MAP1B: variants seen among roughly 807,000 people sequenced by gnomAD.
MAP1B encodes the protein microtubule-associated protein 1B.
In MAP1B, 12 loss-of-function variants were observed where a neutral mutation model predicts 176.1. The observed-to-expected ratio is 0.07, with a 90% CI of 0.04 to 0.11. MAP1B has a LOEUF of 0.11. Among genes scored for constraint, MAP1B ranks in the 10% least tolerant of loss-of-function variants. MAP1B has a pLI of 1.00. For synonymous variants in MAP1B, 1,044 were observed against 1,135.0 expected, an observed-to-expected ratio of 0.92 and a Z score of 1.61; for missense variants, 2,523 against 2,990.5, an observed-to-expected ratio of 0.84 and a Z score of 3.65.
intron 2 of MAP1B, among the ~76,000 whole-genome samples, chr5:72,121,587 C>T (rs1392068154): frequency 6.6e-6 from 1 of 152,186 alleles, no homozygotes; most frequent in Admixed American, 6.5e-5. Context: ...AGAATCAGCC[C>T]TTTGAATTTC....
chr5:72,160,617 C>A (rs924142281), intron 2 of MAP1B, among the ~76,000 whole-genome samples: 3 of 152,178 alleles, frequency 2.0e-5, no homozygotes, highest in Non-Finnish European at 2.9e-5. Context: ...TTTAAGCCTA[C>A]TGAAGAATGA....
chr5:72,139,892 G>A (rs999364735), intron 2 of MAP1B, among the ~76,000 whole-genome samples: 1 of 152,062 alleles, frequency 6.6e-6, no homozygotes, highest in Admixed American at 6.5e-5. Flanking sequence ...GAAAAGCCCA[G>A]TTCAGAGGAC....
chr5:72,196,528 C>G lies in MAP1B; in HGVS notation c.3173C>G (p.Ala1058Gly). 6.2e-7 allele frequency: 1 copy of G among 1,613,704 alleles called. No homozygotes were observed. Among genetic ancestry groups the G allele is most frequent in the Non-Finnish European group, 8.5e-7 (1 of 1,180,022 alleles). Residue 1058 changes from alanine to glycine, a missense_variant, in exon 5 of 7, where the codon GCC becomes GGC. Physicochemically the swap from Ala to Gly is moderately conservative, Grantham distance 60. Coordinates refer to ENST00000296755, the MANE Select transcript of MAP1B (RefSeq NM_005909.5). The surrounding 1 kb of genome is among the most constrained non-coding windows in gnomAD (Gnocchi z 5.3). The stretch of plus-strand genomic sequence containing the variant: ...GACAAGGCTGCAGAGGCTGGTGGTG[C>G]CGAGGAGCAGTATGGATTCCTCACC... ...VVDKAAEAGG[A>G]EEQYGFLTTP...
intron 2 of MAP1B, among the ~76,000 whole-genome samples, chr5:72,143,708 A>G (rs1170573329): frequency 6.6e-6 from 1 of 152,164 alleles, no homozygotes; most frequent in Non-Finnish European, 1.5e-5. Context: ...TCACATTCCA[A>G]GAGGCCGAAG....
rs564281014 is a variant in MAP1B, at chr5:72,124,070, G to A, written c.286+8271G>A. 3.3e-5 allele frequency among the ~76,000 whole-genome samples: 5 copies of A among 152,228 alleles called. No individual in the cohort carries two copies. In the South Asian group the frequency reaches 8.3e-4, roughly 25 times the overall value. On this transcript the variant is annotated intron_variant, in intron 2 of 6. Transcript: ENST00000296755. ...TTGCATTTTGATTGTTCAACCATGG[G>A]TTTAGTCACAATGACAAAGGTTACC...
At chr5:72,159,729 G>A (rs1458209039) in intron 2 of MAP1B, among the ~76,000 whole-genome samples, 1 of 152,218 alleles carries the variant, frequency 6.6e-6, no homozygotes, top group African/African-American at 2.4e-5. Context: ...AGAAACATTT[G>A]TGAAAATTCA....
At chr5:72,149,277 T>C (rs1746099996) in intron 2 of MAP1B, among the ~76,000 whole-genome samples, 1 of 152,250 alleles carries the variant, frequency 6.6e-6, no homozygotes, top group Non-Finnish European at 1.5e-5. Context: ...TCTGAGGTCT[T>C]AAGCCTCATT....
intron 2 of MAP1B, among the ~76,000 whole-genome samples, chr5:72,153,216 C>G (rs1746174791): frequency 6.6e-6 from 1 of 152,050 alleles, no homozygotes; most frequent in African/African-American, 2.4e-5. Context: ...AGCGGGTTAG[C>G]TGTGCTGGGT....
chr5:72,148,159 T>A (rs760666199), intron 2 of MAP1B, among the ~76,000 whole-genome samples: 10 of 152,366 alleles, frequency 6.6e-5, no homozygotes, highest in Middle Eastern at 3.4e-3. Context: ...AAAATACTTT[T>A]AAAAACCCAT....
chr5:72,149,311 G>T (rs914122044), intron 2 of MAP1B, among the ~76,000 whole-genome samples: 2 of 152,216 alleles, frequency 1.3e-5, no homozygotes, highest in Non-Finnish European at 2.9e-5. Flanking sequence ...AACTTGGAAA[G>T]AAATTTCCTG....
chr5:72,161,938 C>T (rs1324455849), intron 2 of MAP1B, among the ~76,000 whole-genome samples: 1 of 83,876 alleles, frequency 1.2e-5, no homozygotes, highest in African/African-American at 4.9e-5. Flanking sequence ...GCCTGGGTGA[C>T]AAAGCGAAAT....
intron 2 of MAP1B, among the ~76,000 whole-genome samples, chr5:72,135,947 G>C (rs1157447800): frequency 6.6e-6 from 1 of 152,168 alleles, no homozygotes; most frequent in Non-Finnish European, 1.5e-5. Flanking sequence ...TAGCCCAACA[G>C]GATTTGACCA....
chr5:72,135,026 G>T (rs139784314), intron 2 of MAP1B, among the ~76,000 whole-genome samples: 47 of 151,266 alleles, frequency 3.1e-4, no homozygotes, highest in South Asian at 2.6e-3. Flanking sequence ...AGCTGAGTTG[G>T]TGGAAGAGTA....
intron 1 of MAP1B, among the ~76,000 whole-genome samples, chr5:72,111,686 G>A (rs571917714): frequency 3.3e-5 from 5 of 152,188 alleles, no homozygotes; most frequent in East Asian, 3.9e-4. Flanking sequence ...TATTATCTAC[G>A]ACAGCTCTGT....
In MAP1B at chr5:72,208,356, G is replaced by A. The variant is rs2111909158; in HGVS notation, c.*3117G>A. Reference sequence around the variant, plus strand: ...TTTGAGTGGAAGGAATTTACACTCTGTTTAAATGATGGGATTCTATCGAGA... The same window carrying A: ...TTTGAGTGGAAGGAATTTACACTCTATTTAAATGATGGGATTCTATCGAGA... On this transcript the variant is annotated 3_prime_UTR_variant, in exon 7 of 7. Coordinates refer to ENST00000296755, the MANE Select transcript of MAP1B (RefSeq NM_005909.5). 6.6e-6 allele frequency: 1 copy of A among 152,280 alleles called. No individual in the cohort carries two copies. Among genetic ancestry groups the A allele is most frequent in the East Asian group, 1.9e-4 (1 of 5,178 alleles). The allele number at this position is 152,280 out of a possible 1,614,324, so 9.4% of individuals were successfully genotyped here.
In MAP1B at chr5:72,196,113, G is replaced by A; in HGVS notation, c.2758G>A (p.Val920Ile). The change falls in exon 5 of 7, where the codon GTA becomes ATA. Residue 920 changes from valine to isoleucine, a missense_variant. Val to Ile is a conservative substitution (Grantham distance 29, BLOSUM62 3). Coordinates refer to ENST00000296755, the MANE Select transcript of MAP1B (RefSeq NM_005909.5). The surrounding 1 kb of genome is among the most constrained non-coding windows in gnomAD (Gnocchi z 5.3). The stretch of plus-strand genomic sequence containing the variant: ...GCTGGAGCCCGTCGAGAAGCAGGGA[G>A]TAGACGACATTGAAAAATTTGAAGA... ...EELEPVEKQG[V>I]DDIEKFEDEG... 2.5e-6 allele frequency: 4 copies of A among 1,613,970 alleles called. No individual in the cohort carries two copies. The highest frequency in any genetic ancestry group is 2.5e-6 in the Non-Finnish European group (3 of 1,180,012).
At chr5:72,162,526 A>G (rs1260206131) in intron 2 of MAP1B, among the ~76,000 whole-genome samples, 1 of 152,186 alleles carries the variant, frequency 6.6e-6, no homozygotes, top group East Asian at 1.9e-4. Context: ...AGCTCCCTAT[A>G]AAAAGCTTAC....
In MAP1B at chr5:72,209,069, TCTGTGACTTC is replaced by T. The variant is rs1465584901; in HGVS notation, c.*3831_*3840del. The T allele has an allele frequency of 3.3e-5, 5 of 152,128 alleles. No individual in the cohort carries two copies. Among genetic ancestry groups the T allele is most frequent in the African/African-American group, 1.2e-4 (5 of 41,414 alleles). 9.4% of individuals were successfully genotyped at this position (152,128 alleles called of 1,614,324 possible). The stretch of plus-strand genomic sequence containing the variant: ...ATTAAAACTATTTACTGTTAAAAAA[TCTGTGACTTC>T]ATGAAGTTGATTTTTAAAGGCAGCA... On this transcript the variant is annotated 3_prime_UTR_variant, in exon 7 of 7. Transcript: ENST00000296755.
intron 2 of MAP1B, among the ~76,000 whole-genome samples, chr5:72,135,374 T>C (rs979762697): frequency 3.9e-5 from 6 of 152,234 alleles, no homozygotes; most frequent in African/African-American, 1.4e-4. Flanking sequence ...GGTGACCTTA[T>C]TACTTGAGTG....
Sources: allele counts gnomAD v4.1 joint callset (sites outside exome capture counted in the v4.1 genomes callset), GRCh38; gene constraint gnomAD v4.1.1; non-coding constraint Gnocchi (gnomAD v3.1); transcripts MANE v1.5; gene names NCBI Gene and HGNC (gene_info 2026-07-23, HGNC 2026-07-21).